Variants in CACNA1B observed in about 807,000 individuals in gnomAD.
CACNA1B encodes the protein voltage-dependent N-type calcium channel subunit alpha-1B.
In CACNA1B, 70 loss-of-function variants were observed where a neutral mutation model predicts 247.2. The observed-to-expected ratio is 0.28, with a 90% CI of 0.23 to 0.35. The LOEUF (loss-of-function observed/expected upper bound fraction) is 0.35, where lower values mean the gene tolerates loss of function less well. CACNA1B is among the 10% of genes least tolerant of loss of function. The probability of loss-of-function intolerance (pLI) is 1.00; values close to 1 mark genes in which losing one functional copy is unlikely to be tolerated. For synonymous variants in CACNA1B, 1,231 were observed against 1,294.4 expected (o/e 0.95, Z 1.05); for missense variants, 2,367 against 3,197.4 (o/e 0.74, Z 6.26).
chr9:137,986,339 A>T lies in CACNA1B; in HGVS notation c.1770-74A>T. The T allele has an allele frequency of 6.5e-7, 1 of 1,536,466 alleles. No individual in the cohort carries two copies. Among genetic ancestry groups the T allele is most frequent in the Non-Finnish European group, 8.9e-7 (1 of 1,122,962 alleles). ...GGTTTAGAAAGTCAGTGGAGCCTTA[A>T]GTGTGGCTGCAGAGAGCCATGAATG... is the stretch of plus-strand genomic sequence containing the variant. On this transcript the variant is annotated intron_variant, in intron 13 of 46. Coordinates refer to ENST00000371372, the MANE Select transcript of CACNA1B (RefSeq NM_000718.4). The surrounding 1 kb of genome is among the most constrained non-coding windows in gnomAD (Gnocchi z 6.0).
chr9:138,069,991 T>G (rs1022772453), intron 32 of CACNA1B, among the ~76,000 whole-genome samples: 1 of 152,184 alleles, frequency 6.6e-6, no homozygotes, highest in African/African-American at 2.4e-5. Context: ...GAACTGGCCG[T>G]GGGCAGGGCT....
chr9:137,901,395 G>A (rs759604715), intron 3 of CACNA1B, among the ~76,000 whole-genome samples: 1 of 152,106 alleles, frequency 6.6e-6, no homozygotes, highest in Non-Finnish European at 1.5e-5. Flanking sequence ...CTGTGTCCAT[G>A]TCTGCAACCT....
chr9:137,898,923 G>A (rs1044446211), intron 3 of CACNA1B, among the ~76,000 whole-genome samples: 11 of 151,384 alleles, frequency 7.3e-5, no homozygotes, highest in Admixed American at 4.6e-4. Flanking sequence ...CTCATGATCC[G>A]CCTGCCTCAG....
rs965025759 is a variant in CACNA1B, at chr9:138,014,413, C to T, written c.2267+1178C>T. On this transcript the variant is annotated intron_variant, in intron 18 of 46. Coordinates refer to ENST00000371372, the MANE Select transcript of CACNA1B (RefSeq NM_000718.4). This position sits in a 1 kb window ranked among gnomAD's most constrained non-coding sequence, Gnocchi z 6.2. ...GAAGCAGCTAGAAGAGGCTGCAGCC[C>T]GCCGGGGACTCAGGCAGGGATGGGA... 6.6e-5 allele frequency among the ~76,000 whole-genome samples: 10 copies of T among 152,082 alleles called. No individual in the cohort carries two copies. Among genetic ancestry groups the T allele is most frequent in the Non-Finnish European group, 7.4e-5 (5 of 68,022 alleles).
In CACNA1B at chr9:138,105,757, C is replaced by A; in HGVS notation, c.5378C>A (p.Ser1793Tyr). The A allele has an allele frequency of 6.4e-7, 1 of 1,568,122 alleles. No individual in the cohort carries two copies. Among genetic ancestry groups the A allele is most frequent in the South Asian group, 1.2e-5 (1 of 84,960 alleles). ...SNEDMTVHFTSTLMALIRTAL... is the reference protein window; with the variant it reads ...SNEDMTVHFTYTLMALIRTAL... ...GAGGACATGACTGTTCACTTCACGT[C>A]CACGCTGATGGCCCTCATCCGGACG... Residue 1793 changes from serine to tyrosine, a missense_variant, in exon 39 of 47, where the codon TCC becomes TAC. Transcript: ENST00000371372.
At chr9:137,936,658 A>G (rs1243694468) in intron 6 of CACNA1B, among the ~76,000 whole-genome samples, 2 of 152,200 alleles carry the variant, frequency 1.3e-5, no homozygotes, top group Non-Finnish European at 2.9e-5. Flanking sequence ...ATTTTTGTAT[A>G]AGGTGTGAGG....
intron 7 of CACNA1B, among the ~76,000 whole-genome samples, chr9:137,953,245 G>T (rs1367880493): frequency 6.6e-6 from 1 of 152,224 alleles, no homozygotes; most frequent in Non-Finnish European, 1.5e-5. Flanking sequence ...GAGGTGGAAG[G>T]CATCAGGCCT....
intron 3 of CACNA1B, among the ~76,000 whole-genome samples, chr9:137,884,877 C>T (rs1477821650): frequency 2.0e-5 from 3 of 146,734 alleles, no homozygotes; most frequent in Admixed American, 6.7e-5. Context: ...TTCCCCTCCC[C>T]TTCTTCCCCC....
Position 138,120,675 on chromosome 9 carries a change from C to T in CACNA1B, c.6283C>T (p.Pro2095Ser). 3 of 1,516,098 alleles carry T rather than the reference C, an allele frequency of 2.0e-6. No individual in the cohort carries two copies. Among genetic ancestry groups the T allele is most frequent in the Non-Finnish European group, 1.8e-6 (2 of 1,137,946 alleles). 93.9% of individuals were successfully genotyped at this position (1,516,098 alleles called of 1,614,324 possible). A position where few individuals can be genotyped will look rare whatever the true frequency, so the allele number is the denominator to read the frequency against. Reference protein sequence around the residue: ...VGPGLPPGEGPTGCRRERERR... With the variant: ...VGPGLPPGEGSTGCRRERERR... ...GCCGGGGCTGCCCCCGGGAGAGGGGCCTACAGGCTGCCGGCGGGAACGAGA... is the reference window on the plus strand; with the variant it reads ...GCCGGGGCTGCCCCCGGGAGAGGGGTCTACAGGCTGCCGGCGGGAACGAGA... Residue 2095 changes from proline (P) to serine (S), a missense_variant, in exon 46 of 47, where the codon CCT (proline) becomes TCT (serine). By Grantham distance (74) the Pro-to-Ser change is moderately conservative. Transcript: ENST00000371372.
chr9:138,025,235 C>A, intron 20 of CACNA1B, 63 bp downstream of exon 20: 1 of 1,110,728 alleles, frequency 9.0e-7, no homozygotes, highest in Non-Finnish European at 1.3e-6. Context: ...AACCCCCATT[C>A]CCTCCTGCTC....
chr9:137,936,078 T>C (rs1957664494), intron 6 of CACNA1B, among the ~76,000 whole-genome samples: 1 of 152,184 alleles, frequency 6.6e-6, no homozygotes, highest in Non-Finnish European at 1.5e-5. Context: ...AGGATGGTCT[T>C]GATCTCCTGA....
intron 39 of CACNA1B, among the ~76,000 whole-genome samples, chr9:138,108,572 C>T (rs994824185): frequency 1.3e-5 from 2 of 152,038 alleles, no homozygotes; most frequent in African/African-American, 4.8e-5. Flanking sequence ...AAGACATGAC[C>T]AGAAAAGAAA....
chr9:138,021,398 C>A (rs1181318344), intron 18 of CACNA1B, among the ~76,000 whole-genome samples: 2 of 152,260 alleles, frequency 1.3e-5, no homozygotes, highest in Non-Finnish European at 2.9e-5. Flanking sequence ...CTGGACATTG[C>A]TCCCACTGCA....
Position 138,023,472 on chromosome 9 carries a change from C to T in CACNA1B, c.2729C>T (p.Pro910Leu). Residue 910 changes from proline (P) to leucine (L), a missense_variant, in exon 19 of 47, where the codon CCA becomes CTA. By Grantham distance (98) the Pro-to-Leu change is moderately conservative (BLOSUM62 -3). Around this residue, in one of 12 missense-constraint regions of CACNA1B, gnomAD observed 631 missense variants for 631.1 expected, o/e 1.00. Coordinates refer to ENST00000371372, the MANE Select transcript of CACNA1B (RefSeq NM_000718.4). ...PEARSERGRG[P>L]GPEGGRRHHR... Reference sequence around the variant, plus strand: ...GCGCGGAGCGAGCGCGGCCGAGGCCCAGGCCCCGAGGGCGGCCGGCGGCAC... The same window carrying T: ...GCGCGGAGCGAGCGCGGCCGAGGCCTAGGCCCCGAGGGCGGCCGGCGGCAC... The T allele has an allele frequency of 8.5e-7, 1 of 1,177,642 alleles. No individual in the cohort carries two copies. The highest frequency in any genetic ancestry group is 1.0e-6 in the Non-Finnish European group (1 of 955,604). The allele number at this position is 1,177,642 out of a possible 1,614,324, so 72.9% of individuals were successfully genotyped here. A position where few individuals can be genotyped will look rare whatever the true frequency, so the allele number is the denominator to read the frequency against.
At chr9:138,013,367 C>T (rs1958750418) in intron 18 of CACNA1B, 132 bp downstream of exon 18, 1 of 621,536 alleles carries the variant, frequency 1.6e-6, no homozygotes, top group Non-Finnish European at 2.8e-6. Context: ...GAGGACACAG[C>T]CCCTCCTCGG....
chr9:137,936,733 G>A (rs1957673110), intron 6 of CACNA1B, among the ~76,000 whole-genome samples: 1 of 152,172 alleles, frequency 6.6e-6, no homozygotes, highest in Admixed American at 6.5e-5. Flanking sequence ...TTATTAAATA[G>A]GGAATCCTTT....
rs1046993309 is a variant in CACNA1B at position 138,014,416 on chromosome 9, C to T, written c.2267+1181C>T. ...GCAGCTAGAAGAGGCTGCAGCCCGC[C>T]GGGGACTCAGGCAGGGATGGGAGGG... On this transcript the variant is annotated intron_variant, in intron 18 of 46. Coordinates refer to ENST00000371372, the MANE Select transcript of CACNA1B (RefSeq NM_000718.4). This position sits in a 1 kb window ranked among gnomAD's most constrained non-coding sequence, Gnocchi z 6.2. 3.9e-5 allele frequency among the ~76,000 whole-genome samples: 6 copies of T among 152,066 alleles called. No individual in the cohort carries two copies. The highest frequency in any genetic ancestry group is 1.4e-4 in the African/African-American group (6 of 41,394).
chr9:138,116,468 C>T (rs73577505), intron 42 of CACNA1B, among the ~76,000 whole-genome samples: 1 of 152,170 alleles, frequency 6.6e-6, no homozygotes, highest in African/African-American at 2.4e-5. Flanking sequence ...CTGGCAGCCC[C>T]CCATTCCCAC....
chr9:138,111,793 G>A (rs748347094), intron 39 of CACNA1B, among the ~76,000 whole-genome samples: 1 of 151,258 alleles, frequency 6.6e-6, no homozygotes, highest in Non-Finnish European at 1.5e-5. Flanking sequence ...AGCAGGGCCA[G>A]TGTACTCGGG....
Sources: allele counts gnomAD v4.1 joint callset (sites outside exome capture counted in the v4.1 genomes callset), GRCh38; gene constraint gnomAD v4.1.1; regional missense constraint gnomAD v4.1.1; non-coding constraint Gnocchi (gnomAD v3.1); transcripts MANE v1.5; gene names NCBI Gene and HGNC (gene_info 2026-07-23, HGNC 2026-07-21).